RBM33: variants seen among roughly 807,000 people sequenced by gnomAD.
RBM33 encodes the protein RNA-binding protein 33.
Under a neutral mutation model 132.6 loss-of-function variants are expected in RBM33, and 28 were observed. The ratio of observed to expected loss-of-function variants is 0.21; its 90% confidence interval spans 0.16 to 0.29. The LOEUF is 0.29. RBM33 is among the 10% of genes least tolerant of loss of function. RBM33 has a pLI of 1.00. For synonymous variants in RBM33, 634 were observed against 593.0 expected (o/e 1.07, Z -1.01); for missense variants, 1,291 against 1,518.5 (o/e 0.85, Z 2.49).
intron 5 of RBM33, among the ~76,000 whole-genome samples, chr7:155,682,657 G>A (rs1462612465): frequency 6.6e-6 from 1 of 152,198 alleles, no homozygotes; most frequent in Non-Finnish European, 1.5e-5. Context: ...GCTAAACCGT[G>A]TCATGAACAT....
At chr7:155,750,042 G>T (rs1479922764) in intron 14 of RBM33, among the ~76,000 whole-genome samples, 1 of 152,164 alleles carries the variant, frequency 6.6e-6, no homozygotes, top group African/African-American at 2.4e-5. Context: ...GATTTGCTAG[G>T]TGAGATTACA....
rs1186294731 is a variant in RBM33 at position 155,745,867 on chromosome 7, C to T, written c.2979+265C>T. ...CACAGACGGTACAGCCTGCTGCACA[C>T]CTAGGCTATATGGTACAGCCTGTTG... On this transcript the variant is annotated intron_variant, in intron 14 of 17. Transcript: ENST00000401878. The surrounding 1 kb of genome is among the most constrained non-coding windows in gnomAD (Gnocchi z 4.1). 3 of 486,926 alleles carry T rather than the reference C, an allele frequency of 6.2e-6. No homozygotes were observed. The highest frequency in any genetic ancestry group is 1.1e-5 in the Non-Finnish European group (3 of 271,334). 30.2% of individuals were successfully genotyped at this position (486,926 alleles called of 1,614,324 possible).
chr7:155,762,060 C>G (rs1802054179), intron 14 of RBM33, among the ~76,000 whole-genome samples: 1 of 152,260 alleles, frequency 6.6e-6, no homozygotes, highest in African/African-American at 2.4e-5. Flanking sequence ...CAGCCAGCGC[C>G]TGGGATGAGC....
rs533906895 is a variant in RBM33 at position 155,776,420 on chromosome 7, C to T, written c.*1379C>T. On this transcript the variant is annotated 3_prime_UTR_variant, in exon 18 of 18. Coordinates refer to ENST00000401878, the MANE Select transcript of RBM33 (RefSeq NM_053043.3). The surrounding 1 kb of genome is among the most constrained non-coding windows in gnomAD (Gnocchi z 4.0). ...GCATGGCGCTAGGGCTCTCAGCCTC[C>T]TAGAAGGAAGGGACTAAGGAGACGG... is the stretch of plus-strand genomic sequence containing the variant. 3 of 152,182 alleles carry T rather than the reference C, an allele frequency of 2.0e-5. No individual in the cohort carries two copies. Among genetic ancestry groups the T allele is most frequent in the Admixed American group, 2.0e-4 (3 of 15,288 alleles). 9.4% of individuals were successfully genotyped at this position (152,182 alleles called of 1,614,324 possible).
chr7:155,649,104 C>G (rs1470959654), intron 1 of RBM33, among the ~76,000 whole-genome samples: 19 of 152,068 alleles, frequency 1.2e-4, no homozygotes, highest in Non-Finnish European at 1.5e-5. Context: ...ACTTTGTTTT[C>G]TCCTTCTGGG....
At chr7:155,756,366 A>G (rs1156546474) in intron 14 of RBM33, among the ~76,000 whole-genome samples, 1 of 152,230 alleles carries the variant, frequency 6.6e-6, no homozygotes, top group African/African-American at 2.4e-5. Context: ...TCTTGTCTGT[A>G]TGTGTGAGTA....
chr7:155,658,081 T>C (rs1217271648), intron 1 of RBM33, among the ~76,000 whole-genome samples: 1 of 152,214 alleles, frequency 6.6e-6, no homozygotes, highest in East Asian at 1.9e-4. Flanking sequence ...AGTATTAATG[T>C]AGATCAGTCT....
intron 16 of RBM33, among the ~76,000 whole-genome samples, chr7:155,771,778 C>A (rs905731439): frequency 2.0e-4 from 30 of 152,210 alleles, no homozygotes; most frequent in African/African-American, 7.2e-4. Context: ...GTCACCCAGG[C>A]TGGAGTGCAG....
intron 5 of RBM33, among the ~76,000 whole-genome samples, chr7:155,692,479 C>T (rs1181308850): frequency 1.3e-5 from 2 of 152,172 alleles, no homozygotes; most frequent in Admixed American, 1.3e-4. Flanking sequence ...TTTGCTTACT[C>T]CCCATTGTGA....
rs1160452669 is a variant in RBM33, at chr7:155,721,167, T to G, written c.1260+2724T>G. 1.7e-4 allele frequency among the ~76,000 whole-genome samples: 26 copies of G among 152,280 alleles called. 1 individual carries two copies. Reference sequence around the variant, plus strand: ...GTAGTGCATATGTAGCTTCCTCACATCAGTCATAGTTGTGTGTTTACTCCT... The same window carrying G: ...GTAGTGCATATGTAGCTTCCTCACAGCAGTCATAGTTGTGTGTTTACTCCT... On this transcript the variant is annotated intron_variant, in intron 9 of 17. Transcript: ENST00000401878.
At chr7:155,759,124 C>G (rs1801945166) in intron 14 of RBM33, among the ~76,000 whole-genome samples, 1 of 152,182 alleles carries the variant, frequency 6.6e-6, no homozygotes, top group African/African-American at 2.4e-5. Flanking sequence ...ACATCAGGAC[C>G]CTTTCTTTAT....
intron 9 of RBM33, among the ~76,000 whole-genome samples, chr7:155,729,871 A>C (rs1030056748): frequency 6.6e-6 from 1 of 152,052 alleles, no homozygotes; most frequent in Non-Finnish European, 1.5e-5. Context: ...TGTGTTTCAC[A>C]TCTGCTCAGC....
rs1296485604 is a variant in RBM33, at chr7:155,737,530, G to C, written c.1261G>C (p.Gly421Arg). ...CTCTGTTGTTGTTGTTGTTCTTTAG[G>C]GCCCTCCAGAATTTCCACAGCATAC... The part of the protein sequence containing the change: ...RPAVGPQRFP[G>R]PPEFPQHTPG... Residue 421 changes from glycine to arginine, a missense_variant and splice_region_variant, in exon 10 of 18, where the codon GGC becomes CGC. By Grantham distance (125) the Gly-to-Arg change is moderately radical (BLOSUM62 -2). Around this residue, in one of 7 missense-constraint regions of RBM33, gnomAD observed 841 missense variants for 912.0 expected, o/e 0.92. Coordinates refer to ENST00000401878, the MANE Select transcript of RBM33 (RefSeq NM_053043.3). The C allele has an allele frequency of 5.0e-6, 8 of 1,591,546 alleles. No homozygotes were observed. Among genetic ancestry groups the C allele is most frequent in the Non-Finnish European group, 6.8e-6 (8 of 1,172,794 alleles).
At chr7:155,756,719 A>G (rs968097899) in intron 14 of RBM33, among the ~76,000 whole-genome samples, 1 of 152,176 alleles carries the variant, frequency 6.6e-6, no homozygotes, top group Non-Finnish European at 1.5e-5. Flanking sequence ...GCCGCCCGTG[A>G]GTTGGAGTGA....
chr7:155,678,008 A>C (rs1799232364), intron 3 of RBM33, among the ~76,000 whole-genome samples: 1 of 152,168 alleles, frequency 6.6e-6, no homozygotes, highest in Admixed American at 6.5e-5. Flanking sequence ...TATATAACCT[A>C]AGAAAACCTG....
In RBM33 at chr7:155,678,643, T is replaced by C. The variant is rs1334482552; in HGVS notation, c.207T>C (p.Asp69=). Residue 69 remains aspartate, a synonymous_variant, in exon 4 of 18, where the codon GAT becomes GAC. Coordinates refer to ENST00000401878, the MANE Select transcript of RBM33 (RefSeq NM_053043.3). The stretch of plus-strand genomic sequence containing the variant: ...ATTTGTCAGATGAAGAGCTAAATGA[T>C]GATCTTTTGCAGAGTGATAATGAAG... ...QSDLSDEELN[D]DLLQSDNEDE... is the part of the protein sequence containing the mutation. 1.9e-6 allele frequency: 3 copies of C among 1,582,474 alleles called. No individual in the cohort carries two copies. The highest frequency in any genetic ancestry group is 1.7e-4 in the Middle Eastern group (1 of 5,950).
intron 1 of RBM33, among the ~76,000 whole-genome samples, chr7:155,656,031 T>A (rs536509692): frequency 1.0e-3 from 152 of 152,348 alleles, no homozygotes; most frequent in African/African-American, 3.6e-3. Context: ...GCTTGGCGGA[T>A]ACATTCTTGA....
chr7:155,663,447 A>G (rs1241955559), intron 1 of RBM33, among the ~76,000 whole-genome samples: 1 of 151,942 alleles, frequency 6.6e-6, no homozygotes, highest in Non-Finnish European at 1.5e-5. Context: ...ACATGGCAAA[A>G]GAAGGAGCAA....
intron 16 of RBM33, among the ~76,000 whole-genome samples, chr7:155,771,247 G>A (rs1345069182): frequency 1.3e-5 from 2 of 152,188 alleles, no homozygotes; most frequent in African/African-American, 2.4e-5. Context: ...GGAAGCTGGC[G>A]ACCATGTCTT....
Sources: allele counts gnomAD v4.1 joint callset (sites outside exome capture counted in the v4.1 genomes callset), GRCh38; gene constraint gnomAD v4.1.1; regional missense constraint gnomAD v4.1.1; non-coding constraint Gnocchi (gnomAD v3.1); transcripts MANE v1.5; gene names NCBI Gene and HGNC (gene_info 2026-07-23, HGNC 2026-07-21).